Variants in TRIM49 observed in about 807,000 individuals in gnomAD.
TRIM49 encodes tripartite motif containing 49.
A neutral mutation model predicts 27.4 loss-of-function variants in TRIM49; 5 were observed. That is an observed-to-expected ratio of 0.18 (90% CI 0.10 to 0.38). The LOEUF is 0.38. Among genes scored for constraint, TRIM49 ranks in the 10% least tolerant of loss-of-function variants. The pLI is 1.00. For synonymous variants in TRIM49, 69 were observed against 166.0 expected (o/e 0.42, Z 4.49); for missense variants, 188 against 487.5 (o/e 0.39, Z 5.79).
chr11:89,798,556 A>G lies in TRIM49; in HGVS notation c.933T>C (p.Ile311=). 1 of 1,564,132 alleles carries G rather than the reference A, an allele frequency of 6.4e-7. No individual in the cohort carries two copies. The highest frequency in any genetic ancestry group is 8.6e-7 in the Non-Finnish European group (1 of 1,163,016). Residue 311 remains isoleucine, a synonymous_variant, in exon 8 of 8, where the codon ATT becomes ATC. Coordinates refer to ENST00000329758, the MANE Select transcript of TRIM49 (RefSeq NM_020358.2). ...AGGGTACATCTTGATGGTCACATCC[A>G]ATACACATGCTTCTCAAAATTTCAT... The part of the protein sequence containing the change: ...FLYEILRSMC[I]GCDHQDVPYF...
chr11:89,800,024 CTT>C lies in TRIM49; in HGVS notation c.762-213_762-212del, dbSNP rs766181875. On this transcript the variant is annotated intron_variant, in intron 6 of 7. Coordinates refer to ENST00000329758, the MANE Select transcript of TRIM49 (RefSeq NM_020358.2). ...TAAGCCAGAATCCAATCTGATCCTT[CTT>C]TTTTTTTTTTTTGCTCCAAATGTGT... 1.1e-3 allele frequency among the ~76,000 whole-genome samples: 153 copies of C among 135,042 alleles called. 3 individuals carry two copies. Among genetic ancestry groups the C allele is most frequent in the African/African-American group, 3.7e-3 (129 of 34,984 alleles). 88.6% of individuals were successfully genotyped at this position (135,042 alleles called of 152,430 possible).
chr11:89,805,049 C>T (rs1949777825), intron 2 of TRIM49, among the ~76,000 whole-genome samples: 1 of 151,396 alleles, frequency 6.6e-6, no homozygotes. Flanking sequence ...AACAAAGACC[C>T]AAATCAAAAC....
At chr11:89,793,087 C>A (rs967883823), downstream of TRIM49, among the ~76,000 whole-genome samples, 2 of 152,250 alleles carry the variant, frequency 1.3e-5, no homozygotes, top group African/African-American at 4.8e-5. Context: ...CACAGAAATA[C>A]AAACTACCAT....
At chr11:89,778,152 AG>A in the TRIM49 span, 1 of 526,296 alleles carries the variant, frequency 1.9e-6, no homozygotes. Context: ...TTGATATAAC[AG>A]GAATTGCAAA....
At chr11:89,802,825 C>G (rs1428232991) in intron 4 of TRIM49, among the ~76,000 whole-genome samples, 2 of 150,172 alleles carry the variant, frequency 1.3e-5, no homozygotes, top group Non-Finnish European at 3.0e-5. Flanking sequence ...TGATTATTCT[C>G]CAACAAAAAC....
rs1464227729 is a variant in TRIM49, at chr11:89,805,441, A to T, written c.-4-968T>A. ...TCATCTCTCAATGTGTGTGGGCACC[A>T]TCCAATCAGCTGACACCTCAGATAT... On this transcript the variant is annotated intron_variant, in intron 2 of 7. Transcript: ENST00000329758. 5.3e-5 allele frequency among the ~76,000 whole-genome samples: 8 copies of T among 151,184 alleles called. No individual in the cohort carries two copies. The East Asian group carries it at 1.6e-3, about 29-fold the overall frequency.
downstream of TRIM49, among the ~76,000 whole-genome samples, chr11:89,797,005 A>T (rs1949694766): frequency 1.3e-5 from 2 of 152,038 alleles, no homozygotes; most frequent in African/African-American, 4.8e-5. Flanking sequence ...TCCAGCCATG[A>T]ATAAATTTCA....
chr11:89,792,306 CA>C, the TRIM49 span, among the ~76,000 whole-genome samples: 493 of 148,292 alleles, frequency 3.3e-3, no homozygotes, highest in African/African-American at 0.012. Flanking sequence ...GAGACTTTAA[CA>C]ACCCACTGTT....
chr11:89,806,320 T>C (rs1949789321), intron 2 of TRIM49, among the ~76,000 whole-genome samples: 1 of 150,688 alleles, frequency 6.6e-6, no homozygotes, highest in African/African-American at 2.5e-5. Flanking sequence ...CACATATATG[T>C]ATACATCCTA....
chr11:89,796,367 G>T (rs1181818259), downstream of TRIM49, among the ~76,000 whole-genome samples: 2 of 147,262 alleles, frequency 1.4e-5, no homozygotes, highest in East Asian at 4.2e-4. Flanking sequence ...TGAGTAGCTG[G>T]GACTATAGCA....
At chr11:89,807,748 C>G (rs1313990736) in intron 1 of TRIM49, among the ~76,000 whole-genome samples, 1 of 150,784 alleles carries the variant, frequency 6.6e-6, no homozygotes, top group East Asian at 1.9e-4. Context: ...GTAGCCCATG[C>G]TGTTCTCCAA....
At chr11:89,773,840 G>A in the TRIM49 span, among the ~76,000 whole-genome samples, 1 of 134,870 alleles carries the variant, frequency 7.4e-6, no homozygotes, top group Admixed American at 6.9e-5. Context: ...TGGGAGCTGG[G>A]GCAGGAGAAT....
chr11:89,807,484 T>TAG (rs1949796758), intron 1 of TRIM49, among the ~76,000 whole-genome samples, 200 bp from the exon 2 acceptor site: 3 of 151,176 alleles, frequency 2.0e-5, no homozygotes, highest in African/African-American at 4.9e-5. Flanking sequence ...AGGCTAGAAA[T>TAG]TAACTAAGAT....
At chr11:89,791,167 G>A in the TRIM49 span, among the ~76,000 whole-genome samples, 2 of 151,504 alleles carry the variant, frequency 1.3e-5, no homozygotes, top group Non-Finnish European at 2.9e-5. Context: ...ACAAATGAAT[G>A]AAATGAAGTG....
the TRIM49 span, among the ~76,000 whole-genome samples, chr11:89,785,146 G>T: frequency 4.1e-5 from 6 of 146,054 alleles, 1 homozygote; most frequent in African/African-American, 8.1e-5. Context: ...TTGAACCGAG[G>T]AGGCAAAGAT....
At chr11:89,793,335 A>C (rs1467445331), downstream of TRIM49, among the ~76,000 whole-genome samples, 6 of 152,142 alleles carry the variant, frequency 3.9e-5, no homozygotes, top group African/African-American at 1.4e-4. Context: ...TCCTTCTGAA[A>C]CTATTCCAAT....
intron 1 of TRIM49, among the ~76,000 whole-genome samples, chr11:89,807,577 T>C (rs1949797500): frequency 6.6e-6 from 1 of 150,470 alleles, no homozygotes; most frequent in South Asian, 2.1e-4. Context: ...AGAAAGGGTC[T>C]CCTTCTGGAG....
the TRIM49 span, among the ~76,000 whole-genome samples, chr11:89,792,461 G>A: frequency 3.7e-3 from 541 of 145,254 alleles, no homozygotes; most frequent in African/African-American, 5.9e-3. Flanking sequence ...GCACCACATC[G>A]CACTTATTCC....
intron 1 of TRIM49, among the ~76,000 whole-genome samples, chr11:89,808,100 G>A (rs571622419): frequency 7.1e-6 from 1 of 140,060 alleles, no homozygotes; most frequent in East Asian, 2.0e-4. Flanking sequence ...TTATTTTGGG[G>A]ATTACACATA....
Sources: gnomAD v4.1 joint callset for allele counts (sites outside exome capture counted in the v4.1 genomes callset) on GRCh38, gnomAD v4.1.1 for gene constraint, MANE v1.5 for transcripts, NCBI Gene and HGNC (gene_info 2026-07-23, HGNC 2026-07-21) for gene names.